Variants in UBE2F observed in about 807,000 individuals in gnomAD.
The protein encoded by UBE2F is ubiquitin conjugating enzyme E2 F (putative).
UBE2F carries 5 observed loss-of-function variants against 29.6 expected under a neutral mutation model. The ratio of observed to expected loss-of-function variants is 0.17; its 90% confidence interval spans 0.09 to 0.36. UBE2F has a LOEUF of 0.36. Ranked by LOEUF, UBE2F falls within the 10% of genes least tolerant of loss-of-function variation. UBE2F has a pLI of 1.00. For missense variants in UBE2F, 141 were observed against 228.5 expected (o/e 0.62, Z 2.47); for synonymous variants, 66 against 81.8 (o/e 0.81, Z 1.04).
chr2:237,978,583 T>G (rs1024050809), intron 2 of UBE2F, among the ~76,000 whole-genome samples: 2 of 152,172 alleles, frequency 1.3e-5, no homozygotes, highest in East Asian at 1.9e-4. Context: ...GGCTCCCCGC[T>G]CAGCCACACC....
Position 237,983,375 on chromosome 2 carries a change from C to T in UBE2F, c.119-4588C>T, listed in dbSNP as rs572011242. ...AGAGGGAGTGGCTGTGGGTGGGCTTCTCCCTTTCTCTAGCTCCTCCACTGT... is the reference window on the plus strand; with the variant it reads ...AGAGGGAGTGGCTGTGGGTGGGCTTTTCCCTTTCTCTAGCTCCTCCACTGT... On this transcript the variant is annotated intron_variant, in intron 2 of 9. Transcript: ENST00000272930. 3.3e-5 allele frequency among the ~76,000 whole-genome samples: 5 copies of T among 152,368 alleles called. No homozygotes were observed. The South Asian group carries it at 1.0e-3, about 32-fold the overall frequency.
intron 5 of UBE2F, among the ~76,000 whole-genome samples, chr2:238,021,170 C>T (rs1282280701): frequency 6.6e-6 from 1 of 152,178 alleles, no homozygotes; most frequent in Non-Finnish European, 1.5e-5. Flanking sequence ...GAAGACACCA[C>T]GTCTCCTCAC....
At chr2:238,032,880 G>A (rs1162631524) in intron 8 of UBE2F, among the ~76,000 whole-genome samples, 1 of 152,204 alleles carries the variant, frequency 6.6e-6, no homozygotes, top group Admixed American at 6.5e-5. Context: ...GGGAATGAGG[G>A]GACTTTGGAG....
At position 238,041,448 on chromosome 2, in the gene UBE2F, A is replaced by G; in HGVS notation, c.*110A>G. 2 of 1,094,208 alleles carry G rather than the reference A, an allele frequency of 1.8e-6. No individual in the cohort carries two copies. The highest frequency in any genetic ancestry group is 1.4e-6 in the Non-Finnish European group (1 of 723,274). The allele number at this position is 1,094,208 out of a possible 1,614,324, so 67.8% of individuals were successfully genotyped here. A position where few individuals can be genotyped will look rare whatever the true frequency, so the allele number is the denominator to read the frequency against. ...CTCATGCTCCCTCTCAGTCCCCTGGATTGCCCCAGTCCTGTGACCATGTTG... is the reference window on the plus strand; with the variant it reads ...CTCATGCTCCCTCTCAGTCCCCTGGGTTGCCCCAGTCCTGTGACCATGTTG... On this transcript the variant is annotated 3_prime_UTR_variant, in exon 10 of 10. Transcript: ENST00000272930.
intron 5 of UBE2F, among the ~76,000 whole-genome samples, chr2:238,022,975 C>G (rs1212221335): frequency 1.3e-5 from 2 of 152,156 alleles, no homozygotes; most frequent in Non-Finnish European, 2.9e-5. Context: ...GTGTTAACAT[C>G]AAATTATGGA....
chr2:238,025,069 G>A lies in UBE2F; in HGVS notation c.283-273G>A, dbSNP rs183436970. ...GGTCCAGTCACCAGCACTGTCAGCCGGCAGGACACATGGGGCTTGTAGAGA... is the reference window on the plus strand; with the variant it reads ...GGTCCAGTCACCAGCACTGTCAGCCAGCAGGACACATGGGGCTTGTAGAGA... On this transcript the variant is annotated intron_variant, in intron 5 of 9. Transcript: ENST00000272930. Among the ~76,000 whole-genome samples, 41 of 152,282 alleles carry A rather than the reference G, an allele frequency of 2.7e-4. No homozygotes were observed. The East Asian group carries it at 6.9e-3, about 26-fold the overall frequency.
chr2:238,041,464 G>A lies in UBE2F; in HGVS notation c.*126G>A. On this transcript the variant is annotated 3_prime_UTR_variant, in exon 10 of 10. Transcript: ENST00000272930. ...GTCCCCTGGATTGCCCCAGTCCTGT[G>A]ACCATGTTGCCCTGAAGAAGACCAT... The A allele has an allele frequency of 1.1e-6, 1 of 875,308 alleles. No homozygotes were observed. The highest frequency in any genetic ancestry group is 1.5e-5 in the South Asian group (1 of 65,174). 54.2% of individuals were successfully genotyped at this position (875,308 alleles called of 1,614,324 possible).
At chr2:238,038,562 AG>A (rs1379061693) in intron 9 of UBE2F, among the ~76,000 whole-genome samples, 2 of 152,242 alleles carry the variant, frequency 1.3e-5, no homozygotes, top group Non-Finnish European at 2.9e-5. Flanking sequence ...TGATGGCAAT[AG>A]GGGTACTCCC....
chr2:238,025,043 A>AG (rs1298713954), intron 5 of UBE2F, among the ~76,000 whole-genome samples: 3 of 152,202 alleles, frequency 2.0e-5, no homozygotes. Context: ...GAGGTGACAG[A>AG]GGTCCAGTCA....
chr2:238,025,655 G>A (rs1311018206), intron 6 of UBE2F, among the ~76,000 whole-genome samples: 1 of 152,182 alleles, frequency 6.6e-6, no homozygotes, highest in African/African-American at 2.4e-5. Flanking sequence ...TCTTAGTGCA[G>A]CCTCCTTGCC....
intron 5 of UBE2F, among the ~76,000 whole-genome samples, chr2:238,024,573 G>T (rs1405035682): frequency 6.6e-6 from 1 of 151,834 alleles, no homozygotes; most frequent in African/African-American, 2.4e-5. Flanking sequence ...TAAACCCTTG[G>T]CCTCAAGCAA....
chr2:237,994,109 CTTTTTT>C (rs34177204), intron 3 of UBE2F, among the ~76,000 whole-genome samples: 1 of 122,370 alleles, frequency 8.2e-6, no homozygotes, highest in Admixed American at 8.5e-5. Context: ...TCTTCTTCTT[CTTTTTT>C]TTTTTTTTTT....
At chr2:237,990,493 C>T in intron 3 of UBE2F, 1 of 418,562 alleles carries the variant, frequency 2.4e-6, no homozygotes, top group Non-Finnish European at 4.7e-6. Flanking sequence ...GTCTCAACCT[C>T]CTGGGCTCAA....
In UBE2F at chr2:237,990,342, T is replaced by C. The variant is rs993907852; in HGVS notation, c.148+2350T>C. On this transcript the variant is annotated intron_variant, in intron 3 of 9. Coordinates refer to ENST00000272930, the MANE Select transcript of UBE2F (RefSeq NM_080678.3). ...AAATAAAATAAAATAATCCCTCTGC[T>C]TTCCAGTCCCATCTTATCTTCCCAC... is the stretch of plus-strand genomic sequence containing the variant. 7 of 441,446 alleles carry C rather than the reference T, an allele frequency of 1.6e-5. No homozygotes were observed. The East Asian group carries it at 5.2e-4, about 33-fold the overall frequency. The allele number at this position is 441,446 out of a possible 1,614,324, so 27.3% of individuals were successfully genotyped here.
intron 3 of UBE2F, among the ~76,000 whole-genome samples, chr2:237,992,170 A>G (rs2063605640): frequency 6.6e-6 from 1 of 152,096 alleles, no homozygotes; most frequent in African/African-American, 2.4e-5. Context: ...CCGGCCGATA[A>G]TTTCTTTATT....
intron 4 of UBE2F, among the ~76,000 whole-genome samples, chr2:237,999,067 A>T (rs2063741917): frequency 6.6e-6 from 1 of 151,580 alleles, no homozygotes; most frequent in Non-Finnish European, 1.5e-5. Flanking sequence ...TTGAGGAGGA[A>T]TTTCTTTTAT....
At chr2:238,035,722 G>A (rs6729218) in intron 8 of UBE2F, 156 bp from the exon 9 acceptor site, 481,771 of 574,100 alleles carry the variant, frequency 0.84, 203,042 homozygotes, top group East Asian at 0.98. Context: ...CGATATTTTG[G>A]TATCACAAGC....
chr2:238,024,645 T>G (rs2064373735), intron 5 of UBE2F, among the ~76,000 whole-genome samples: 2 of 152,172 alleles, frequency 1.3e-5, no homozygotes, highest in Non-Finnish European at 1.5e-5. Context: ...TATCATTAAT[T>G]ATATTTTCTT....
intron 5 of UBE2F, among the ~76,000 whole-genome samples, chr2:238,019,094 A>G (rs1482516400): frequency 6.6e-6 from 1 of 151,970 alleles, no homozygotes; most frequent in Non-Finnish European, 1.5e-5. Flanking sequence ...CCTCCCCACT[A>G]CTAGTCCCTG....
Sources: gnomAD v4.1 joint callset for allele counts (sites outside exome capture counted in the v4.1 genomes callset) on GRCh38, gnomAD v4.1.1 for gene constraint, MANE v1.5 for transcripts, NCBI Gene and HGNC (gene_info 2026-07-23, HGNC 2026-07-21) for gene names.